OTOS: variants seen among roughly 807,000 people sequenced by gnomAD.
OTOS encodes otospiralin.
In OTOS, 14 loss-of-function variants were observed where a neutral mutation model predicts 12.5. The observed-to-expected ratio is 1.12, with a 90% confidence interval of 0.74 to 1.76. OTOS has a LOEUF of 1.76. Among genes scored for constraint, OTOS ranks in the 40% most tolerant of loss-of-function variants. The probability of loss-of-function intolerance (pLI) is 0.00; values close to 1 mark genes in which losing one functional copy is unlikely to be tolerated. For missense variants in OTOS, 141 were observed against 112.8 expected (o/e 1.25, Z -1.13); for synonymous variants, 49 against 47.6 (o/e 1.03, Z -0.12).
intron 2 of OTOS, 53 bp from the exon 3 acceptor site, chr2:240,140,141 G>C: frequency 3.7e-6 from 6 of 1,608,654 alleles, no homozygotes; most frequent in Non-Finnish European, 5.1e-6. Context: ...GGTGCCGGTT[G>C]GGCCCACCCG....
chr2:240,140,169 C>G (rs982851443), intron 2 of OTOS, 81 bp from the exon 3 acceptor site: 359 of 1,598,508 alleles, frequency 2.2e-4, no homozygotes, highest in Non-Finnish European at 2.8e-4. Context: ...CTGCAGGGCT[C>G]TAAGGTTTCC....
At chr2:240,139,995 A>G in intron 3 of OTOS, 67 bp downstream of exon 3, 1 of 1,570,958 alleles carries the variant, frequency 6.4e-7, no homozygotes, top group Non-Finnish European at 8.7e-7. Flanking sequence ...TGCTCTCCCC[A>G]GCAGTTTCTC....
At chr2:240,139,413 C>T in intron 3 of OTOS, 59 bp from the exon 4 acceptor site, 5 of 1,534,982 alleles carry the variant, frequency 3.3e-6, no homozygotes, top group East Asian at 2.3e-5. Flanking sequence ...CTGGAGACAC[C>T]ATCCTCAGAG....
At chr2:240,139,446 C>T in intron 3 of OTOS, 92 bp from the exon 4 acceptor site, 1 of 1,320,490 alleles carries the variant, frequency 7.6e-7, no homozygotes, top group Non-Finnish European at 1.1e-6. Context: ...GTGGATGGTT[C>T]CCAGCTCTAC....
chr2:240,140,634 G>A lies in OTOS; in HGVS notation c.-133C>T, dbSNP rs889446337. ...CCAGAGCTTACCTTGTCTCTGCTCA[G>A]CCAGCCGTGCTGCCTGGATGGGCTC... On this transcript the variant is annotated 5_prime_UTR_variant, in exon 1 of 4. Transcript: ENST00000319460. 1.9e-5 allele frequency: 7 copies of A among 374,714 alleles called. No individual in the cohort carries two copies. The highest frequency in any genetic ancestry group is 3.4e-5 in the Non-Finnish European group (7 of 208,010). The allele number at this position is 374,714 out of a possible 1,614,324, so 23.2% of individuals were successfully genotyped here. A position where few individuals can be genotyped will look rare whatever the true frequency, so the allele number is the denominator to read the frequency against.
Position 240,139,128 on chromosome 2 carries a change from G to A in OTOS, c.*42C>T, listed in dbSNP as rs2072028470. The A allele has an allele frequency of 6.3e-7, 1 of 1,592,292 alleles. No individual in the cohort carries two copies. The highest frequency in any genetic ancestry group is 8.6e-7 in the Non-Finnish European group (1 of 1,166,298). ...TCCATGCCTGTGGAGGCCCGACCGA[G>A]TGCAGCCTGGCGGGGTGGGCGGGCA... On this transcript the variant is annotated 3_prime_UTR_variant, in exon 4 of 4. Coordinates refer to ENST00000319460, the MANE Select transcript of OTOS (RefSeq NM_148961.4).
Position 240,139,284 on chromosome 2 carries a change from C to T in OTOS, c.156G>A (p.Gln52=). 1 of 1,614,176 alleles carries T rather than the reference C, an allele frequency of 6.2e-7. No individual in the cohort carries two copies. The highest frequency in any genetic ancestry group is 1.3e-5 in the African/African-American group (1 of 75,066). The change falls in exon 4 of 4, where the codon CAG becomes CAA. Residue 52 remains glutamine, a synonymous_variant. Coordinates refer to ENST00000319460, the MANE Select transcript of OTOS (RefSeq NM_148961.4). ...GGTAGGCCCCCAGGGCCTGGAAGTG[C>T]TGCACATAGTTCCAGAAGTCAGAGG... The part of the protein sequence containing the change: ...FSTSDFWNYV[Q]HFQALGAYPQ...
At position 240,140,361 on chromosome 2, in the gene OTOS, A is replaced by G; in HGVS notation, c.-35T>C. On this transcript the variant is annotated 5_prime_UTR_variant, in exon 2 of 4. Transcript: ENST00000319460. Reference sequence around the variant, plus strand: ...GCTTCCTGATCTGCGACTCAGGCCCACCTGCAGCAGGATGAACCCAGGAAG... The same window carrying G: ...GCTTCCTGATCTGCGACTCAGGCCCGCCTGCAGCAGGATGAACCCAGGAAG... 1 of 1,542,476 alleles carries G rather than the reference A, an allele frequency of 6.5e-7. No homozygotes were observed. The highest frequency in any genetic ancestry group is 8.8e-7 in the Non-Finnish European group (1 of 1,140,140).
intron 1 of OTOS, 51 bp downstream of exon 1, chr2:240,140,569 A>G: frequency 1.9e-6 from 1 of 530,596 alleles, no homozygotes; most frequent in Non-Finnish European, 3.3e-6. Context: ...AATTCCCATG[A>G]CTTAAGAAAT....
In OTOS at chr2:240,139,058, T is replaced by G; in HGVS notation, c.*112A>C. 1 of 1,164,870 alleles carries G rather than the reference T, an allele frequency of 8.6e-7. No homozygotes were observed. Among genetic ancestry groups the G allele is most frequent in the Non-Finnish European group, 1.2e-6 (1 of 835,112 alleles). The allele number at this position is 1,164,870 out of a possible 1,614,324, so 72.2% of individuals were successfully genotyped here. Reference sequence around the variant, plus strand: ...TCTTCAGTCCGGAGTTTATTGAGCGTGAGACCAGGCCTGACTCCTGCAGGG... The same window carrying G: ...TCTTCAGTCCGGAGTTTATTGAGCGGGAGACCAGGCCTGACTCCTGCAGGG... On this transcript the variant is annotated 3_prime_UTR_variant, in exon 4 of 4. Transcript: ENST00000319460.
In OTOS at chr2:240,140,334, G is replaced by T. The variant is rs764262656; in HGVS notation, c.-8C>A. The T allele has an allele frequency of 5.1e-6, 8 of 1,578,576 alleles. No individual in the cohort carries two copies. In the African/African-American group the frequency reaches 1.1e-4, roughly 21 times the overall value. On this transcript the variant is annotated 5_prime_UTR_variant, in exon 2 of 4. Coordinates refer to ENST00000319460, the MANE Select transcript of OTOS (RefSeq NM_148961.4). Reference sequence around the variant, plus strand: ...CACCATGCAGGCCTGCATCTTCCCGGTGCTTCCTGATCTGCGACTCAGGCC... The same window carrying T: ...CACCATGCAGGCCTGCATCTTCCCGTTGCTTCCTGATCTGCGACTCAGGCC...
chr2:240,140,633 A>T lies in OTOS; in HGVS notation c.-132T>A. 1 of 378,864 alleles carries T rather than the reference A, an allele frequency of 2.6e-6. No individual in the cohort carries two copies. The highest frequency in any genetic ancestry group is 5.1e-5 in the South Asian group (1 of 19,588). The allele number at this position is 378,864 out of a possible 1,614,324, so 23.5% of individuals were successfully genotyped here. On this transcript the variant is annotated 5_prime_UTR_variant, in exon 1 of 4. Coordinates refer to ENST00000319460, the MANE Select transcript of OTOS (RefSeq NM_148961.4). The stretch of plus-strand genomic sequence containing the variant: ...TCCAGAGCTTACCTTGTCTCTGCTC[A>T]GCCAGCCGTGCTGCCTGGATGGGCT...
chr2:240,140,627 C>T lies in OTOS; in HGVS notation c.-126G>A, dbSNP rs2072048808. 1 of 392,536 alleles carries T rather than the reference C, an allele frequency of 2.5e-6. No homozygotes were observed. Among genetic ancestry groups the T allele is most frequent in the Non-Finnish European group, 4.6e-6 (1 of 219,272 alleles). The allele number at this position is 392,536 out of a possible 1,614,324, so 24.3% of individuals were successfully genotyped here. A position where few individuals can be genotyped will look rare whatever the true frequency, so the allele number is the denominator to read the frequency against. ...GGCCTCTCCAGAGCTTACCTTGTCTCTGCTCAGCCAGCCGTGCTGCCTGGA... is the reference window on the plus strand; with the variant it reads ...GGCCTCTCCAGAGCTTACCTTGTCTTTGCTCAGCCAGCCGTGCTGCCTGGA... On this transcript the variant is annotated 5_prime_UTR_variant, in exon 1 of 4. Transcript: ENST00000319460.
At position 240,139,100 on chromosome 2, in the gene OTOS, G is replaced by A. The variant is rs1456325137; in HGVS notation, c.*70C>T. On this transcript the variant is annotated 3_prime_UTR_variant, in exon 4 of 4. Transcript: ENST00000319460. Reference sequence around the variant, plus strand: ...CCTGCAGGGGCCAGGTTTTTGCGGGGACTCCATGCCTGTGGAGGCCCGACC... The same window carrying A: ...CCTGCAGGGGCCAGGTTTTTGCGGGAACTCCATGCCTGTGGAGGCCCGACC... 2 of 1,516,886 alleles carry A rather than the reference G, an allele frequency of 1.3e-6. No homozygotes were observed. The highest frequency in any genetic ancestry group is 1.9e-5 in the Admixed American group (1 of 52,138). The allele number at this position is 1,516,886 out of a possible 1,614,324, so 94.0% of individuals were successfully genotyped here.
chr2:240,139,245 G>A lies in OTOS; in HGVS notation c.195C>T (p.Asp65=), dbSNP rs758749896. The part of the protein sequence containing the change: ...QALGAYPQIE[D]MARTFFAHFP... ...AGTGGGCAAAGAAGGTTCGGGCCAT[G>A]TCCTCGATCTGGGGGTAGGCCCCCA... The change falls in exon 4 of 4, where the codon GAC becomes GAT. Residue 65 remains aspartate (D), a synonymous_variant. Transcript: ENST00000319460. The A allele has an allele frequency of 1.2e-6, 2 of 1,614,086 alleles. No homozygotes were observed. Among genetic ancestry groups the A allele is most frequent in the African/African-American group, 1.3e-5 (1 of 74,954 alleles).
At chr2:240,140,155 C>T (rs2072042639) in intron 2 of OTOS, 67 bp from the exon 3 acceptor site, 1 of 1,605,516 alleles carries the variant, frequency 6.2e-7, no homozygotes. Context: ...CCACCCGACA[C>T]CAGCTGCAGG....
chr2:240,140,321 C>G lies in OTOS; in HGVS notation c.6G>C (p.Gln2His). 3 of 1,590,530 alleles carry G rather than the reference C, an allele frequency of 1.9e-6. 1 individual carries two copies. The South Asian group carries it at 3.4e-5, about 18-fold the overall frequency. The part of the protein sequence containing the change: M[Q>H]ACMVPGLALC... The stretch of plus-strand genomic sequence containing the variant: ...GGGCCAGCCCCGGCACCATGCAGGC[C>G]TGCATCTTCCCGGTGCTTCCTGATC... The change falls in exon 2 of 4, where the codon CAG becomes CAC. Residue 2 changes from glutamine (Q) to histidine (H), a missense_variant. Gln to His is a conservative substitution (Grantham distance 24, BLOSUM62 0). Transcript: ENST00000319460.
In OTOS at chr2:240,139,416, C is replaced by A. The variant is rs979602707; in HGVS notation, c.86-62G>T. 3.3e-6 allele frequency: 5 copies of A among 1,515,278 alleles called. No individual in the cohort carries two copies. In the South Asian group the frequency reaches 5.1e-5, roughly 15 times the overall value. 93.9% of individuals were successfully genotyped at this position (1,515,278 alleles called of 1,614,324 possible). A position where few individuals can be genotyped will look rare whatever the true frequency, so the allele number is the denominator to read the frequency against. Reference sequence around the variant, plus strand: ...CCATGGTCCTGCCTGGAGACACCATCCTCAGAGGTCTCAAGGCAAGTGGAT... The same window carrying A: ...CCATGGTCCTGCCTGGAGACACCATACTCAGAGGTCTCAAGGCAAGTGGAT... On this transcript the variant is annotated intron_variant, in intron 3 of 3. Coordinates refer to ENST00000319460, the MANE Select transcript of OTOS (RefSeq NM_148961.4).
chr2:240,140,070 TC>T lies in OTOS; in HGVS notation c.76del (p.Glu26ArgfsTer?), dbSNP rs1431757379. ...AAATTGGAGAACGGTACCTCCTTCC[TC>T]CTGCACAGGCTTGGCCCCTGCAAAG... ...GPLAGAKPVQEEGDPYAELPA... is the reference protein window; with the variant it reads ...GPLAGAKPVQXEGDPYAELPA... On this transcript the variant is annotated frameshift_variant, in exon 3 of 4. Transcript: ENST00000319460. LOFTEE classifies it high-confidence loss of function. 1.2e-6 allele frequency: 2 copies of T among 1,613,522 alleles called. No homozygotes were observed. Among genetic ancestry groups the T allele is most frequent in the Non-Finnish European group, 1.7e-6 (2 of 1,179,748 alleles).
Sources: allele counts gnomAD v4.1 joint callset, GRCh38; gene constraint gnomAD v4.1.1; transcripts MANE v1.5; gene names NCBI Gene and HGNC (gene_info 2026-07-23, HGNC 2026-07-21).